Variants in CAMTA1 observed in about 807,000 individuals in gnomAD.
The protein encoded by CAMTA1 is calmodulin binding transcription activator 1, also known as calmodulin-binding transcription activator 1.
In CAMTA1, 27 loss-of-function variants were observed where a neutral mutation model predicts 170.9. The ratio of observed to expected loss-of-function variants is 0.16; its 90% confidence interval spans 0.12 to 0.22. The LOEUF is 0.22. Ranked by LOEUF, CAMTA1 falls within the 10% of genes least tolerant of loss-of-function variation. CAMTA1 has a pLI of 1.00. For missense variants in CAMTA1, 1,619 were observed against 2,217.2 expected (o/e 0.73, Z 5.42); for synonymous variants, 833 against 891.5 (o/e 0.93, Z 1.17).
rs1348774051 is a variant in CAMTA1, at chr1:7,767,401, C to A, written c.*910C>A. ...TGTAGTAATTCTAAGGAATCATGAA[C>A]CTTGCCTGGACATTTGCCACCTAAA... is the stretch of plus-strand genomic sequence containing the variant. On this transcript the variant is annotated 3_prime_UTR_variant, in exon 23 of 23. Coordinates refer to ENST00000303635, the MANE Select transcript of CAMTA1 (RefSeq NM_015215.4). 6.5e-6 allele frequency: 1 copy of A among 152,702 alleles called. No homozygotes were observed. Among genetic ancestry groups the A allele is most frequent in the Non-Finnish European group, 1.5e-5 (1 of 68,024 alleles). 9.5% of individuals were successfully genotyped at this position (152,702 alleles called of 1,614,324 possible).
intron 4 of CAMTA1, among the ~76,000 whole-genome samples, chr1:7,183,738 G>A (rs1015944435): frequency 1.3e-5 from 2 of 152,130 alleles, no homozygotes; most frequent in Non-Finnish European, 2.9e-5. Context: ...AGCATCTGTG[G>A]GTGGGAGTAG....
At chr1:6,875,673 C>T (rs939426103) in intron 3 of CAMTA1, among the ~76,000 whole-genome samples, 1 of 152,118 alleles carries the variant, frequency 6.6e-6, no homozygotes. Context: ...CCATGGAGGG[C>T]TCTGTCATAC....
At chr1:6,817,136 A>G (rs191043377) in intron 1 of CAMTA1, among the ~76,000 whole-genome samples, 1 of 152,284 alleles carries the variant, frequency 6.6e-6, no homozygotes, top group African/African-American at 2.4e-5. Flanking sequence ...ACTTATTGTT[A>G]GACTTTGAAG....
intron 3 of CAMTA1, among the ~76,000 whole-genome samples, chr1:6,943,846 CAAAAAAAAAAAA>C (rs1198830005): frequency 1.9e-5 from 1 of 51,700 alleles, no homozygotes; most frequent in Non-Finnish European, 3.8e-5. Flanking sequence ...GACTCTGTCT[CAAAAAAAAAAAA>C]AAAAAAAAAA....
intron 11 of CAMTA1, among the ~76,000 whole-genome samples, chr1:7,702,587 C>T (rs541998014): frequency 6.6e-6 from 1 of 152,260 alleles, no homozygotes; most frequent in African/African-American, 2.4e-5. Flanking sequence ...CAGCGTGCCC[C>T]GCCAGCACTG....
chr1:7,751,291 A>G lies in CAMTA1; in HGVS notation c.4782A>G (p.Arg1594=), dbSNP rs1185348377. The G allele has an allele frequency of 6.2e-7, 1 of 1,613,114 alleles. No individual in the cohort carries two copies. Residue 1594 remains arginine (R), a synonymous_variant, in exon 20 of 23, where the codon CGA becomes CGG. Transcript: ENST00000303635. The part of the protein sequence containing the change: ...YYEQKKFQQS[R]RAAVLIQKYY... ...AACAAAAAAAATTCCAGCAGAGCCG[A>G]CGGGCTGCTGTGCTCATCCAAAAGT... is the stretch of plus-strand genomic sequence containing the variant.
At chr1:7,717,266 C>A (rs1378278775) in intron 11 of CAMTA1, among the ~76,000 whole-genome samples, 2 of 151,966 alleles carry the variant, frequency 1.3e-5, no homozygotes, top group East Asian at 1.9e-4. Context: ...ATGTTAAATG[C>A]CCTCACCACA....
chr1:7,270,287 ATATAT>A lies in CAMTA1; in HGVS notation c.438+20663_438+20667del, dbSNP rs1429425094. On this transcript the variant is annotated intron_variant, in intron 5 of 22. Transcript: ENST00000303635. Reference sequence around the variant, plus strand: ...CACACACACACACATATATATATATATATATTTTTTTTTTTTTTTCTTGTGAGATG... The same window carrying A: ...CACACACACACACATATATATATATATTTTTTTTTTTTTTCTTGTGAGATG... Among the ~76,000 whole-genome samples, 4 of 111,550 alleles carry A rather than the reference ATATAT, an allele frequency of 3.6e-5. No individual in the cohort carries two copies. In the East Asian group the frequency reaches 7.8e-4, roughly 22 times the overall value. 73.2% of individuals were successfully genotyped at this position (111,550 alleles called of 152,430 possible). A position where few individuals can be genotyped will look rare whatever the true frequency, so the allele number is the denominator to read the frequency against.
chr1:7,371,339 C>T (rs912103357), intron 5 of CAMTA1, among the ~76,000 whole-genome samples: 5 of 152,010 alleles, frequency 3.3e-5, no homozygotes, highest in Non-Finnish European at 7.4e-5. Context: ...TCACTGCAAC[C>T]TCCACCTCCT....
chr1:7,544,253 C>A (rs958172073), intron 6 of CAMTA1, among the ~76,000 whole-genome samples: 1 of 152,148 alleles, frequency 6.6e-6, no homozygotes, highest in Non-Finnish European at 1.5e-5. Flanking sequence ...CCCTGATAAA[C>A]CTATCAGATT....
At chr1:7,651,089 G>C (rs998705158) in intron 7 of CAMTA1, among the ~76,000 whole-genome samples, 6 of 152,196 alleles carry the variant, frequency 3.9e-5, no homozygotes, top group Admixed American at 2.6e-4. Context: ...GTCCAGGGTT[G>C]CTGGAGAGCA....
intron 4 of CAMTA1, among the ~76,000 whole-genome samples, chr1:7,233,978 T>G (rs1398689971): frequency 1.3e-5 from 2 of 152,202 alleles, no homozygotes; most frequent in African/African-American, 4.8e-5. Flanking sequence ...TTACCGGAGT[T>G]GCACTCTCCA....
At chr1:7,120,574 G>T (rs150150056) in intron 4 of CAMTA1, among the ~76,000 whole-genome samples, 1 of 152,184 alleles carries the variant, frequency 6.6e-6, no homozygotes, top group Non-Finnish European at 1.5e-5. Flanking sequence ...TGCCTTTGCC[G>T]TTCTGTTGGT....
intron 5 of CAMTA1, among the ~76,000 whole-genome samples, chr1:7,348,546 G>T (rs2084397614): frequency 1.3e-5 from 2 of 151,024 alleles, no homozygotes; most frequent in African/African-American, 5.0e-5. Context: ...ACAGGGTAAA[G>T]GTTCGGCCGC....
chr1:7,389,125 A>G (rs928274781), intron 5 of CAMTA1, among the ~76,000 whole-genome samples: 1 of 152,214 alleles, frequency 6.6e-6, no homozygotes, highest in African/African-American at 2.4e-5. Flanking sequence ...ACTCTGCAGC[A>G]GCACAGAGCG....
chr1:6,974,649 T>C (rs2149600813), intron 3 of CAMTA1, among the ~76,000 whole-genome samples: 1 of 152,282 alleles, frequency 6.6e-6, no homozygotes, highest in East Asian at 1.9e-4. Flanking sequence ...GGAAGCCGAC[T>C]CCTCTTACCT....
intron 3 of CAMTA1, among the ~76,000 whole-genome samples, chr1:6,988,873 G>A (rs1157634620): frequency 7.2e-5 from 11 of 152,190 alleles, no homozygotes; most frequent in African/African-American, 1.9e-4. Context: ...CTGGCTGCCC[G>A]AGGGACTGGG....
At chr1:7,411,559 A>C in intron 5 of CAMTA1, among the ~76,000 whole-genome samples, 1 of 143,972 alleles carries the variant, frequency 6.9e-6, no homozygotes, top group South Asian at 2.2e-4. Flanking sequence ...AAAAAAAAGG[A>C]ATTAGTATCA....
chr1:7,340,027 C>G (rs1478188530), intron 5 of CAMTA1, among the ~76,000 whole-genome samples: 1 of 152,216 alleles, frequency 6.6e-6, no homozygotes, highest in Non-Finnish European at 1.5e-5. Flanking sequence ...CACTCTATCC[C>G]AGGAATCAGC....
Sources: allele counts gnomAD v4.1 joint callset (sites outside exome capture counted in the v4.1 genomes callset), GRCh38; gene constraint gnomAD v4.1.1; transcripts MANE v1.5; gene names NCBI Gene and HGNC (gene_info 2026-07-23, HGNC 2026-07-21).